The following RBIS variants were observed in gnomAD, a reference collection of about 807,000 sequenced individuals.
The protein encoded by RBIS is ribosomal biogenesis factor, also known as ribosome biogenesis factor identified in screen.
Under a neutral mutation model 9.8 loss-of-function variants are expected in RBIS, and 9 were observed. That is an observed-to-expected ratio of 0.92 (90% CI 0.56 to 1.61). RBIS has a LOEUF of 1.61. Among genes scored for constraint, RBIS ranks in the 40% most tolerant of loss-of-function variants. The pLI is 0.00. For missense variants in RBIS, 103 were observed against 116.0 expected (o/e 0.89, Z 0.51); for synonymous variants, 35 against 37.9 (o/e 0.92, Z 0.28).
intron 3 of RBIS, 134 bp downstream of exon 3, chr8:85,214,787 T>C: frequency 1.4e-6 from 1 of 730,192 alleles, no homozygotes; most frequent in South Asian, 1.6e-5. Flanking sequence ...ATATGCTATT[T>C]ATACTATAGA....
chr8:85,215,530 A>G (rs2129804388), intron 2 of RBIS: 1 of 152,318 alleles, frequency 6.6e-6, no homozygotes, highest in Admixed American at 6.5e-5. Flanking sequence ...ACTAATGGCC[A>G]ATGATTTAAT....
At position 85,217,284 on chromosome 8, in the gene RBIS, A is replaced by C. The variant is rs868319453; in HGVS notation, c.114+102T>G. ...AACCATCCTTACCTTTCTAGGAAAA[A>C]TGAAGAACCTTTTTAAAAAGTAATA... On this transcript the variant is annotated intron_variant, in intron 2 of 3. Coordinates refer to ENST00000619594, the MANE Select transcript of RBIS (RefSeq NM_001099673.3). 1.0e-5 allele frequency: 8 copies of C among 773,256 alleles called. No homozygotes were observed. In the Middle Eastern group the frequency reaches 1.8e-3, roughly 174 times the overall value. The allele number at this position is 773,256 out of a possible 1,614,324, so 47.9% of individuals were successfully genotyped here.
chr8:85,215,083 AAAGAT>A, intron 2 of RBIS, 46 bp from the exon 3 acceptor site: 2 of 761,460 alleles, frequency 2.6e-6, no homozygotes, highest in African/African-American at 1.8e-5. Flanking sequence ...CATAACCATT[AAAGAT>A]AAGATATATT....
In RBIS at chr8:85,214,080, G is replaced by A. The variant is rs940738079; in HGVS notation, c.*480C>T. The A allele has an allele frequency of 2.9e-5, 17 of 591,970 alleles. No individual in the cohort carries two copies. The highest frequency in any genetic ancestry group is 6.8e-5 in the East Asian group (2 of 29,328). The allele number at this position is 591,970 out of a possible 1,614,324, so 36.7% of individuals were successfully genotyped here. A position where few individuals can be genotyped will look rare whatever the true frequency, so the allele number is the denominator to read the frequency against. ...GATAAGTGATTTAATATCCACAAAC[G>A]TCCCCACTCCCAAAAGTAACTATAT... is the stretch of plus-strand genomic sequence containing the variant. On this transcript the variant is annotated 3_prime_UTR_variant, in exon 4 of 4. Coordinates refer to ENST00000619594, the MANE Select transcript of RBIS (RefSeq NM_001099673.3).
intron 3 of RBIS, 74 bp downstream of exon 3, chr8:85,214,846 CT>C: frequency 1.2e-6 from 1 of 860,964 alleles, no homozygotes; most frequent in Non-Finnish European, 1.9e-6. Context: ...AACTTACAGG[CT>C]TTGAAAACTT....
Position 85,214,642 on chromosome 8 carries a change from A to G in RBIS, c.232-11T>C. On this transcript the variant is annotated splice_polypyrimidine_tract_variant and intron_variant, in intron 3 of 3. Transcript: ENST00000619594. Reference sequence around the variant, plus strand: ...ACGCTGCTGAGGAATCTGAAAGGAGAAAGTATTATATTTAAAAACACAGAC... The same window carrying G: ...ACGCTGCTGAGGAATCTGAAAGGAGGAAGTATTATATTTAAAAACACAGAC... The G allele has an allele frequency of 6.8e-7, 1 of 1,479,496 alleles. No individual in the cohort carries two copies. Among genetic ancestry groups the G allele is most frequent in the Non-Finnish European group, 9.4e-7 (1 of 1,058,794 alleles). 91.6% of individuals were successfully genotyped at this position (1,479,496 alleles called of 1,614,324 possible). A position where few individuals can be genotyped will look rare whatever the true frequency, so the allele number is the denominator to read the frequency against.
chr8:85,216,790 CTG>C (rs2129817670), intron 2 of RBIS: 1 of 152,684 alleles, frequency 6.5e-6, no homozygotes, highest in East Asian at 1.9e-4. Context: ...TATAATTAAA[CTG>C]AGTCCTGGAG....
intron 2 of RBIS, chr8:85,216,764 G>C (rs1236766629): frequency 6.6e-6 from 1 of 152,290 alleles, no homozygotes; most frequent in East Asian, 1.9e-4. Context: ...TGAAATGTTA[G>C]ATTTCTATGG....
At chr8:85,217,174 G>A in intron 2 of RBIS, 1 of 635,066 alleles carries the variant, frequency 1.6e-6, no homozygotes, top group Admixed American at 2.9e-5. Flanking sequence ...TAGTTAAAAT[G>A]TTTATTTCTT....
At chr8:85,219,596 T>A (rs948720022) in intron 1 of RBIS, among the ~76,000 whole-genome samples, 6 of 151,554 alleles carry the variant, frequency 4.0e-5, no homozygotes, top group Non-Finnish European at 7.4e-5. Context: ...CTAAAAAAAA[T>A]TAAAATTAGC....
intron 1 of RBIS, among the ~76,000 whole-genome samples, chr8:85,218,141 A>G (rs1020501905): frequency 1.3e-5 from 2 of 152,254 alleles, no homozygotes; most frequent in Non-Finnish European, 2.9e-5. Context: ...AATAATGTAT[A>G]TGAGGAATAA....
intron 2 of RBIS, 76 bp from the exon 3 acceptor site, chr8:85,215,113 TAAATCTA>T (rs991551857): frequency 8.6e-5 from 47 of 546,938 alleles, no homozygotes; most frequent in Non-Finnish European, 1.0e-4. Context: ...CTTAACCTGT[TAAATCTA>T]AAATCTAAAA....
intron 1 of RBIS, among the ~76,000 whole-genome samples, chr8:85,219,967 G>A (rs550840455): frequency 6.6e-6 from 1 of 152,208 alleles, no homozygotes; most frequent in South Asian, 2.1e-4. Flanking sequence ...ACCATGAACA[G>A]ACAGTCTACA....
At chr8:85,219,667 G>A (rs765850051) in intron 1 of RBIS, among the ~76,000 whole-genome samples, 156 of 152,094 alleles carry the variant, frequency 1.0e-3, no homozygotes, top group African/African-American at 1.2e-3. Context: ...ACGAGGAGGC[G>A]GAGGTTGCAG....
At chr8:85,219,344 C>G (rs1400035685) in intron 1 of RBIS, 2 of 152,152 alleles carry the variant, frequency 1.3e-5, no homozygotes, top group South Asian at 2.1e-4. Context: ...TGCTTTTGAA[C>G]GCCAACAGTA....
intron 1 of RBIS, chr8:85,219,077 T>A (rs1813261012): frequency 6.6e-6 from 1 of 152,264 alleles, no homozygotes; most frequent in African/African-American, 2.4e-5. Context: ...TCCCAATGTA[T>A]AAGGGGCAAC....
In RBIS at chr8:85,214,225, A is replaced by G. The variant is rs1231731511; in HGVS notation, c.*335T>C. 1.8e-6 allele frequency: 1 copy of G among 543,054 alleles called. No individual in the cohort carries two copies. Among genetic ancestry groups the G allele is most frequent in the East Asian group, 4.6e-5 (1 of 21,616 alleles). 33.6% of individuals were successfully genotyped at this position (543,054 alleles called of 1,614,324 possible). The stretch of plus-strand genomic sequence containing the variant: ...TGGCCAAGGACTCATTACTTGTCTT[A>G]TATTTTTACTGCCACTAAACTGCCT... On this transcript the variant is annotated 3_prime_UTR_variant, in exon 4 of 4. Coordinates refer to ENST00000619594, the MANE Select transcript of RBIS (RefSeq NM_001099673.3).
intron 2 of RBIS, chr8:85,215,835 T>C (rs996459402): frequency 6.6e-6 from 1 of 152,256 alleles, no homozygotes; most frequent in African/African-American, 2.4e-5. Flanking sequence ...CACTTATTTA[T>C]AACTGGTTGG....
chr8:85,214,261 A>T lies in RBIS; in HGVS notation c.*299T>A. On this transcript the variant is annotated 3_prime_UTR_variant, in exon 4 of 4. Coordinates refer to ENST00000619594, the MANE Select transcript of RBIS (RefSeq NM_001099673.3). ...GCCACTAAACTGCCTGTATTTCTGT[A>T]TGTCCTTCTATCCAAACAGACGTTC... is the stretch of plus-strand genomic sequence containing the variant. 1.8e-6 allele frequency: 1 copy of T among 560,554 alleles called. No homozygotes were observed. 34.7% of individuals were successfully genotyped at this position (560,554 alleles called of 1,614,324 possible). A position where few individuals can be genotyped will look rare whatever the true frequency, so the allele number is the denominator to read the frequency against.
Sources: gnomAD v4.1 joint callset for allele counts (sites outside exome capture counted in the v4.1 genomes callset) on GRCh38, gnomAD v4.1.1 for gene constraint, MANE v1.5 for transcripts, NCBI Gene and HGNC (gene_info 2026-07-23, HGNC 2026-07-21) for gene names.